Variants in ITGB3BP observed in about 807,000 individuals in gnomAD.
The protein encoded by ITGB3BP is centromere protein R.
Under a neutral mutation model 29.1 loss-of-function variants are expected in ITGB3BP, and 27 were observed. That is an observed-to-expected ratio of 0.93 (90% CI 0.68 to 1.28). ITGB3BP has a LOEUF of 1.28. Among genes scored for constraint, ITGB3BP ranks in the 50% most tolerant of loss-of-function variants. The pLI, the probability that ITGB3BP is intolerant of heterozygous loss-of-function variation, is 0.00. For missense variants in ITGB3BP, 192 were observed against 200.2 expected (o/e 0.96, Z 0.25); for synonymous variants, 61 against 61.4 (o/e 0.99, Z 0.03).
intron 2 of ITGB3BP, among the ~76,000 whole-genome samples, chr1:63,499,322 T>G (rs989600924): frequency 2.0e-5 from 3 of 152,044 alleles, no homozygotes; most frequent in Non-Finnish European, 4.4e-5. Context: ...GCTAATTTTG[T>G]ATTTTTTAGT....
chr1:63,527,101 T>C (rs1646606008), upstream of ITGB3BP, among the ~76,000 whole-genome samples: 1 of 152,248 alleles, frequency 6.6e-6, no homozygotes, highest in Non-Finnish European at 1.5e-5. Context: ...CCATTATTTC[T>C]AAAATAATCC....
chr1:63,442,883 C>T (rs1644747000), intron 8 of ITGB3BP: 1 of 152,212 alleles, frequency 6.6e-6, no homozygotes, highest in Non-Finnish European at 1.5e-5. Flanking sequence ...GTGATTCATC[C>T]ACATTGTTAC....
chr1:63,516,206 T>C lies in ITGB3BP; in HGVS notation c.5+6923A>G, dbSNP rs1346125854. On this transcript the variant is annotated intron_variant, in intron 1 of 8. Coordinates refer to ENST00000271002, the MANE Select transcript of ITGB3BP (RefSeq NM_014288.5). Reference sequence around the variant, plus strand: ...GGGAGGCTGAGCTGAGCAGATTGCTTGAGTCCAGAGTGAGCCTGGGAGGCA... The same window carrying C: ...GGGAGGCTGAGCTGAGCAGATTGCTCGAGTCCAGAGTGAGCCTGGGAGGCA... Among the ~76,000 whole-genome samples, 4 of 149,034 alleles carry C rather than the reference T, an allele frequency of 2.7e-5. No homozygotes were observed. In the East Asian group the frequency reaches 8.0e-4, roughly 30 times the overall value.
chr1:63,463,431 G>C (rs1314433841), intron 4 of ITGB3BP, among the ~76,000 whole-genome samples: 1 of 152,038 alleles, frequency 6.6e-6, no homozygotes, highest in East Asian at 1.9e-4. Flanking sequence ...AAGATCAGTG[G>C]ATTGAGTCAA....
At chr1:63,501,821 C>T (rs1035010337) in intron 2 of ITGB3BP, among the ~76,000 whole-genome samples, 4 of 149,730 alleles carry the variant, frequency 2.7e-5, no homozygotes, top group African/African-American at 9.9e-5. Context: ...GTGATCATAA[C>T]AATGTACTCC....
At chr1:63,465,074 A>G (rs1645076407) in intron 4 of ITGB3BP, among the ~76,000 whole-genome samples, 1 of 152,202 alleles carries the variant, frequency 6.6e-6, no homozygotes, top group Non-Finnish European at 1.5e-5. Flanking sequence ...AATTATATCA[A>G]TGTTAAATTT....
intron 4 of ITGB3BP, among the ~76,000 whole-genome samples, chr1:63,471,155 TAA>T (rs1196119801): frequency 3.9e-5 from 6 of 152,000 alleles, no homozygotes; most frequent in Admixed American, 2.6e-4. Flanking sequence ...TTTCACACTC[TAA>T]AAAGTTTCTT....
At chr1:63,524,207 T>A (rs1646536472), upstream of ITGB3BP, among the ~76,000 whole-genome samples, 1 of 152,234 alleles carries the variant, frequency 6.6e-6, no homozygotes, top group South Asian at 2.1e-4. Context: ...TAAAATTGCT[T>A]ATTGCAAAGT....
intron 4 of ITGB3BP, among the ~76,000 whole-genome samples, chr1:63,476,048 T>G (rs905426822): frequency 1.3e-5 from 2 of 149,810 alleles, no homozygotes; most frequent in African/African-American, 2.5e-5. Context: ...TTTTAAGAGA[T>G]GGTCTCACTG....
intron 1 of ITGB3BP, 150 bp downstream of exon 1, chr1:63,522,979 G>T: frequency 1.1e-6 from 1 of 878,342 alleles, no homozygotes; most frequent in Non-Finnish European, 2.0e-6. Context: ...AGAGTTGAGG[G>T]TACCAAGCGA....
rs1452369475 is a variant in ITGB3BP at position 63,445,396 on chromosome 1, TAAAC to T, written c.*1+1406_*1+1409del. On this transcript the variant is annotated intron_variant, in intron 8 of 8. Coordinates refer to ENST00000271002, the MANE Select transcript of ITGB3BP (RefSeq NM_014288.5). Reference sequence around the variant, plus strand: ...GCTATTGTTACTACATACAACAGAATAAACGTTTTCATAAAAAACGGACACAATT... The same window carrying T: ...GCTATTGTTACTACATACAACAGAATGTTTTCATAAAAAACGGACACAATT... 2.0e-5 allele frequency among the ~76,000 whole-genome samples: 3 copies of T among 152,154 alleles called. No homozygotes were observed. In the East Asian group the frequency reaches 5.8e-4, roughly 29 times the overall value.
intron 7 of ITGB3BP, chr1:63,447,753 T>C (rs1203370900): frequency 7.5e-6 from 3 of 398,374 alleles, no homozygotes; most frequent in Non-Finnish European, 1.5e-5. Flanking sequence ...AGTTCAACCA[T>C]TGTGGAAGTC....
intron 3 of ITGB3BP, among the ~76,000 whole-genome samples, chr1:63,482,308 C>T: frequency 7.0e-6 from 1 of 142,802 alleles, no homozygotes; most frequent in Non-Finnish European, 1.5e-5. Flanking sequence ...AATGTAAAGC[C>T]CAAACAGGTT....
At chr1:63,496,969 T>A (rs2100712385) in intron 2 of ITGB3BP, among the ~76,000 whole-genome samples, 1 of 152,292 alleles carries the variant, frequency 6.6e-6, no homozygotes, top group South Asian at 2.1e-4. Flanking sequence ...AGTACTAGAC[T>A]TGCTTCACAC....
chr1:63,463,726 C>T (rs35646587), intron 4 of ITGB3BP, among the ~76,000 whole-genome samples: 29,805 of 152,024 alleles, frequency 0.2, 3,223 homozygotes, highest in African/African-American at 0.29. Flanking sequence ...AAAATATTAA[C>T]GTGTAGCTGT....
rs563501434 is a variant in ITGB3BP at position 63,498,406 on chromosome 1, G to A, written c.49-8188C>T. On this transcript the variant is annotated intron_variant, in intron 2 of 8. Transcript: ENST00000271002. ...TAGAATGACAATAAAAATAACAGAA[G>A]AAAACTTAGAAAATACACAAATATG... 1.1e-3 allele frequency among the ~76,000 whole-genome samples: 166 copies of A among 152,038 alleles called. 1 individual carries two copies. The highest frequency in any genetic ancestry group is 3.8e-3 in the African/African-American group (158 of 41,478).
intron 4 of ITGB3BP, among the ~76,000 whole-genome samples, chr1:63,473,625 G>A (rs1438776533): frequency 2.3e-5 from 3 of 129,180 alleles, no homozygotes; most frequent in African/African-American, 8.8e-5. Flanking sequence ...AGGTGGGGGG[G>A]TCAGCCCCCC....
chr1:63,459,784 C>T (rs1194612804), intron 4 of ITGB3BP, among the ~76,000 whole-genome samples: 1 of 152,022 alleles, frequency 6.6e-6, no homozygotes, highest in African/African-American at 2.4e-5. Flanking sequence ...TGTTCTCAAC[C>T]ATTATATAAT....
chr1:63,477,971 T>C (rs751789294), intron 4 of ITGB3BP, among the ~76,000 whole-genome samples: 3 of 152,188 alleles, frequency 2.0e-5, no homozygotes, highest in Non-Finnish European at 4.4e-5. Flanking sequence ...CCAAAATCCA[T>C]GGAGGCTCAA....
Sources: gnomAD v4.1 joint callset for allele counts (sites outside exome capture counted in the v4.1 genomes callset) on GRCh38, gnomAD v4.1.1 for gene constraint, MANE v1.5 for transcripts, NCBI Gene and HGNC (gene_info 2026-07-23, HGNC 2026-07-21) for gene names.